The following ARFGEF1 variants were observed in gnomAD, a reference collection of about 807,000 sequenced individuals.
ARFGEF1 encodes ARF guanine nucleotide exchange factor 1, also known as brefeldin A-inhibited guanine nucleotide-exchange protein 1.
Under a neutral mutation model 231.0 loss-of-function variants are expected in ARFGEF1, and 42 were observed. That is an observed-to-expected ratio of 0.18 (90% confidence interval 0.14 to 0.24). The LOEUF is 0.24. Among genes scored for constraint, ARFGEF1 ranks in the 10% least tolerant of loss-of-function variants. The pLI is 1.00. For synonymous variants in ARFGEF1, 710 were observed against 732.3 expected (o/e 0.97, Z 0.49); for missense variants, 1,345 against 2,192.0 (o/e 0.61, Z 7.72).
In ARFGEF1 at chr8:67,227,246, A is replaced by G. The variant is rs753314954; in HGVS notation, c.3807T>C (p.Ala1269=). 2 of 1,613,152 alleles carry G rather than the reference A, an allele frequency of 1.2e-6. No individual in the cohort carries two copies. The highest frequency in any genetic ancestry group is 2.2e-5 in the East Asian group (1 of 44,842). ...CIAQMVNSQA[A]NIRSGWKNIF... Reference sequence around the variant, plus strand: ...TGTTCTTCCATCCAGATCGAATGTTAGCAGCTTGAGAATTAACCATCTGTG... The same window carrying G: ...TGTTCTTCCATCCAGATCGAATGTTGGCAGCTTGAGAATTAACCATCTGTG... The change falls in exon 27 of 39, where the codon GCT becomes GCC. Residue 1269 remains alanine, a synonymous_variant. Coordinates refer to ENST00000262215, the MANE Select transcript of ARFGEF1 (RefSeq NM_006421.5).
At position 67,197,768 on chromosome 8, in the gene ARFGEF1, T is replaced by G; in HGVS notation, c.*1166A>C. 1.0e-6 allele frequency: 1 copy of G among 985,880 alleles called. No homozygotes were observed. Among genetic ancestry groups the G allele is most frequent in the South Asian group, 4.7e-5 (1 of 21,284 alleles). 61.1% of individuals were successfully genotyped at this position (985,880 alleles called of 1,614,324 possible). ...AGAAAGTTGTACAGAATTTTTTACA[T>G]AGAAAACTTTACATCTGTACCATAT... On this transcript the variant is annotated 3_prime_UTR_variant, in exon 39 of 39. Coordinates refer to ENST00000262215, the MANE Select transcript of ARFGEF1 (RefSeq NM_006421.5).
downstream of ARFGEF1, among the ~76,000 whole-genome samples, chr8:67,196,552 G>GTAAT (rs1158703725): frequency 6.6e-6 from 1 of 152,188 alleles, no homozygotes; most frequent in African/African-American, 2.4e-5. Context: ...TTCCTCTGAT[G>GTAAT]TAATTAACGG....
chr8:67,283,099 T>C (rs1406782431), intron 7 of ARFGEF1, among the ~76,000 whole-genome samples: 3 of 152,126 alleles, frequency 2.0e-5, no homozygotes, highest in Non-Finnish European at 2.9e-5. Context: ...GTTTGACCTA[T>C]AAAAATAATT....
chr8:67,260,702 C>G (rs114942487), intron 14 of ARFGEF1, among the ~76,000 whole-genome samples: 2,467 of 152,240 alleles, frequency 0.016, 71 homozygotes, highest in African/African-American at 0.057. Context: ...GGAAGGAAGA[C>G]TCGCACATCT....
At chr8:67,192,143 G>C (rs1316714170) in intron 5 of ARFGEF1, among the ~76,000 whole-genome samples, 3 of 148,800 alleles carry the variant, frequency 2.0e-5, no homozygotes, top group South Asian at 2.1e-4. Context: ...CGTGATCTCA[G>C]TGCACTGCAC....
intron 19 of ARFGEF1, among the ~76,000 whole-genome samples, chr8:67,241,274 G>A (rs1160551431): frequency 6.6e-6 from 1 of 152,128 alleles, no homozygotes; most frequent in African/African-American, 2.4e-5. Flanking sequence ...TAATCTCTCT[G>A]AACCTCACTT....
intron 34 of ARFGEF1, chr8:67,207,063 G>T (rs1303790496): frequency 6.6e-6 from 1 of 152,040 alleles, no homozygotes; most frequent in African/African-American, 2.4e-5. Flanking sequence ...CTTAGTACTA[G>T]ATCACAAGTT....
intron 1 of ARFGEF1, among the ~76,000 whole-genome samples, chr8:67,336,893 G>C (rs1808367221): frequency 6.6e-6 from 1 of 151,910 alleles, no homozygotes. Context: ...CACCTTGGGA[G>C]GCCAAGGCAG....
chr8:67,211,640 G>T, intron 33 of ARFGEF1, 25 bp from the exon 34 acceptor site: 1 of 1,336,026 alleles, frequency 7.5e-7, no homozygotes, highest in Non-Finnish European at 1.0e-6. Flanking sequence ...AAAAATCACT[G>T]TAAGTATGGT....
chr8:67,316,662 G>A (rs1236145896), intron 1 of ARFGEF1, among the ~76,000 whole-genome samples: 1 of 152,096 alleles, frequency 6.6e-6, no homozygotes, highest in Non-Finnish European at 1.5e-5. Flanking sequence ...GTTTTGCCAT[G>A]TTGCTCAGGC....
intron 19 of ARFGEF1, 108 bp from the exon 20 acceptor site, chr8:67,240,398 G>T (rs2093482347): frequency 1.8e-6 from 2 of 1,096,742 alleles, no homozygotes; most frequent in African/African-American, 1.6e-5. Flanking sequence ...GAAATTCTTG[G>T]CAGTTATCTA....
In ARFGEF1 at chr8:67,217,400, T is replaced by A. The variant is rs111744862; in HGVS notation, c.4613+382A>T. On this transcript the variant is annotated intron_variant, in intron 32 of 38. Coordinates refer to ENST00000262215, the MANE Select transcript of ARFGEF1 (RefSeq NM_006421.5). ...CTGTTACGAAATACGAAATATAGTA[T>A]GTGTAAATACATTTTCCTTAGATTA... 1.2e-4 allele frequency among the ~76,000 whole-genome samples: 18 copies of A among 151,876 alleles called. No individual in the cohort carries two copies. In the East Asian group the frequency reaches 2.3e-3, roughly 20 times the overall value.
chr8:67,262,850 T>C (rs746446188), intron 14 of ARFGEF1, among the ~76,000 whole-genome samples: 5 of 152,174 alleles, frequency 3.3e-5, no homozygotes, highest in Non-Finnish European at 7.4e-5. Flanking sequence ...GGGTTATAGG[T>C]TAATAGACTA....
At position 67,227,433 on chromosome 8, in the gene ARFGEF1, A is replaced by C. The variant is rs1357151550; in HGVS notation, c.3743+14T>G. 10 of 1,609,284 alleles carry C rather than the reference A, an allele frequency of 6.2e-6. No individual in the cohort carries two copies. The highest frequency in any genetic ancestry group is 8.5e-6 in the Non-Finnish European group (10 of 1,177,466). ...AGATTTTCCTTCTATTAAGCAATTC[A>C]ACAAATATAGTACCTGTTCCGTTTC... On this transcript the variant is annotated intron_variant, in intron 26 of 38. Coordinates refer to ENST00000262215, the MANE Select transcript of ARFGEF1 (RefSeq NM_006421.5).
intron 33 of ARFGEF1, among the ~76,000 whole-genome samples, chr8:67,212,207 C>T (rs1309070986): frequency 1.3e-5 from 2 of 152,092 alleles, no homozygotes; most frequent in Non-Finnish European, 2.9e-5. Flanking sequence ...CTCAGCCTCC[C>T]CAGCAGCTGG....
intron 19 of ARFGEF1, among the ~76,000 whole-genome samples, chr8:67,241,337 A>G (rs746273680): frequency 3.9e-5 from 6 of 152,236 alleles, no homozygotes; most frequent in Non-Finnish European, 5.9e-5. Flanking sequence ...TGAGAGAAAC[A>G]TAAGTGCCGT....
rs1805111871 is a variant in ARFGEF1, at chr8:67,271,886, A to G, written c.1388T>C (p.Ile463Thr). ...KILSLQLLLS[I>T]LQNAGPIFRT... ...GAAAATAGGTCCTGCATTCTGCAGA[A>G]TGGATAGAAGTAACTGCAATGAAAG... Residue 463 changes from isoleucine to threonine, a missense_variant, in exon 10 of 39, where the codon ATT (isoleucine) becomes ACT (threonine). Physicochemically the swap from Ile to Thr is moderately conservative, Grantham distance 89 (BLOSUM62 -1). Coordinates refer to ENST00000262215, the MANE Select transcript of ARFGEF1 (RefSeq NM_006421.5). 6.2e-7 allele frequency: 1 copy of G among 1,613,456 alleles called. No individual in the cohort carries two copies. Among genetic ancestry groups the G allele is most frequent in the South Asian group, 1.1e-5 (1 of 90,938 alleles).
chr8:67,321,485 G>C (rs1342683545), intron 1 of ARFGEF1, among the ~76,000 whole-genome samples: 1 of 152,120 alleles, frequency 6.6e-6, no homozygotes, highest in East Asian at 1.9e-4. Context: ...TTTTGAGATG[G>C]AGTCTCGCTC....
chr8:67,290,674 TA>T (rs1173353257), intron 6 of ARFGEF1, among the ~76,000 whole-genome samples: 1 of 152,016 alleles, frequency 6.6e-6, no homozygotes, highest in Non-Finnish European at 1.5e-5. Flanking sequence ...AAAAAATAAA[TA>T]AAGTCCCAGC....
Sources: gnomAD v4.1 joint callset for allele counts (sites outside exome capture counted in the v4.1 genomes callset) on GRCh38, gnomAD v4.1.1 for gene constraint, MANE v1.5 for transcripts, NCBI Gene and HGNC (gene_info 2026-07-23, HGNC 2026-07-21) for gene names.